DMXL1: variants seen among roughly 807,000 people sequenced by gnomAD.
DMXL1 encodes Dmx like 1, also known as dmX-like protein 1.
DMXL1 carries 99 observed loss-of-function variants against 319.2 expected under a neutral mutation model. The ratio of observed to expected loss-of-function variants is 0.31; its 90% CI spans 0.26 to 0.37. The LOEUF is 0.37. Ranked by LOEUF, DMXL1 falls within the 10% of genes least tolerant of loss-of-function variation. The pLI is 1.00. For synonymous variants in DMXL1, 1,385 were observed against 1,235.2 expected (o/e 1.12, Z -2.54); for missense variants, 3,745 against 3,595.6 (o/e 1.04, Z -1.06).
chr5:119,231,933 A>G (rs928701816), intron 38 of DMXL1, among the ~76,000 whole-genome samples: 4 of 152,234 alleles, frequency 2.6e-5, no homozygotes, highest in African/African-American at 7.2e-5. Flanking sequence ...AAGGCCCTGG[A>G]GCTGTCTTAG....
intron 34 of DMXL1, among the ~76,000 whole-genome samples, chr5:119,207,293 T>A (rs1781913043): frequency 6.6e-6 from 1 of 152,088 alleles, no homozygotes; most frequent in African/African-American, 2.4e-5. Flanking sequence ...TTAAAATTAA[T>A]GATATTAAAA....
At chr5:119,228,289 C>G (rs1785972414) in intron 38 of DMXL1, among the ~76,000 whole-genome samples, 1 of 152,170 alleles carries the variant, frequency 6.6e-6, no homozygotes, top group Non-Finnish European at 1.5e-5. Context: ...TAGTTACTTG[C>G]AGACACTTTC....
intron 1 of DMXL1, among the ~76,000 whole-genome samples, chr5:119,079,715 A>G (rs143894986): frequency 3.2e-4 from 49 of 151,832 alleles, no homozygotes; most frequent in African/African-American, 1.2e-3. Flanking sequence ...GTCACTGGTA[A>G]CCACATTGAT....
At chr5:119,141,139 G>A (rs569802580) in intron 13 of DMXL1, among the ~76,000 whole-genome samples, 46 of 152,240 alleles carry the variant, frequency 3.0e-4, no homozygotes, top group African/African-American at 1.1e-3. Context: ...CAGACTCTCA[G>A]CCAACATCAT....
chr5:119,178,265 TA>T, intron 28 of DMXL1, 21 bp downstream of exon 28: 1 of 1,607,212 alleles, frequency 6.2e-7, no homozygotes, highest in South Asian at 1.1e-5. Context: ...AAAATTTTTT[TA>T]GGACTGAAGC....
intron 35 of DMXL1, among the ~76,000 whole-genome samples, 191 bp from the exon 36 acceptor site, chr5:119,220,281 G>A (rs370492547): frequency 1.1e-4 from 16 of 152,098 alleles, no homozygotes; most frequent in Non-Finnish European, 1.6e-4. Flanking sequence ...TCTATTGGAT[G>A]TACTTTTCAT....
rs183624611 is a variant in DMXL1, at chr5:119,138,566, C to T, written c.2376+4177C>T. Among the ~76,000 whole-genome samples, 6 of 152,256 alleles carry T rather than the reference C, an allele frequency of 3.9e-5. 1 individual carries two copies. In the East Asian group the frequency reaches 5.8e-4, roughly 15 times the overall value. ...GAAAACAGAAGTGTTAAGCCAGGAA[C>T]GATGGCTCATGCCTGTAGTCCCAGC... On this transcript the variant is annotated intron_variant, in intron 13 of 43. Transcript: ENST00000539542.
chr5:119,109,406 A>G (rs1322185422), intron 4 of DMXL1, among the ~76,000 whole-genome samples: 2 of 152,012 alleles, frequency 1.3e-5, no homozygotes. Flanking sequence ...TACAGATCCA[A>G]TTTTGTAACA....
chr5:119,137,944 T>G (rs1199789684), intron 13 of DMXL1, among the ~76,000 whole-genome samples: 1 of 152,184 alleles, frequency 6.6e-6, no homozygotes, highest in Non-Finnish European at 1.5e-5. Flanking sequence ...CCTGGCCAGG[T>G]CATATGAAGC....
At chr5:119,101,687 T>A (rs979841025) in intron 2 of DMXL1, among the ~76,000 whole-genome samples, 4 of 152,210 alleles carry the variant, frequency 2.6e-5, no homozygotes, top group African/African-American at 9.6e-5. Flanking sequence ...AAGGTAGTGT[T>A]GTACATATTA....
At chr5:119,093,224 C>T (rs576333686) in intron 1 of DMXL1, among the ~76,000 whole-genome samples, 6 of 152,094 alleles carry the variant, frequency 3.9e-5, no homozygotes, top group Non-Finnish European at 8.8e-5. Context: ...TGCTCTGTCA[C>T]CCAGGCTGGA....
chr5:119,198,874 C>A (rs1780147026), intron 32 of DMXL1, among the ~76,000 whole-genome samples: 1 of 152,138 alleles, frequency 6.6e-6, no homozygotes, highest in Non-Finnish European at 1.5e-5. Context: ...AGTACTAAGC[C>A]TGGTACCCAG....
intron 25 of DMXL1, among the ~76,000 whole-genome samples, chr5:119,172,623 T>G (rs961344448): frequency 5.9e-5 from 9 of 152,258 alleles, no homozygotes; most frequent in Admixed American, 2.6e-4. Flanking sequence ...AGCATCCTAT[T>G]CATCATTACT....
intron 19 of DMXL1, among the ~76,000 whole-genome samples, chr5:119,155,758 T>G (rs970551057): frequency 7.0e-6 from 1 of 141,924 alleles, no homozygotes; most frequent in African/African-American, 2.6e-5. Flanking sequence ...GTCCAGGAGG[T>G]CAAGACTGCA....
intron 1 of DMXL1, among the ~76,000 whole-genome samples, chr5:119,089,857 C>T (rs1390889359): frequency 6.6e-6 from 1 of 151,630 alleles, no homozygotes; most frequent in Non-Finnish European, 1.5e-5. Flanking sequence ...AACTCCACAC[C>T]TCAGGTGATC....
At position 119,081,779 on chromosome 5, in the gene DMXL1, T is replaced by G. The variant is rs545648360; in HGVS notation, c.87+10123T>G. ...GGAGAATTTTGTTCTTACGTGTATT[T>G]GAAGGTAGTTTTTGGCCATAAGTTA... On this transcript the variant is annotated intron_variant, in intron 1 of 43. Transcript: ENST00000539542. 2.3e-5 allele frequency: 22 copies of G among 954,846 alleles called. No individual in the cohort carries two copies. In the South Asian group the frequency reaches 9.7e-4, roughly 42 times the overall value. 59.1% of individuals were successfully genotyped at this position (954,846 alleles called of 1,614,324 possible).
intron 1 of DMXL1, chr5:119,081,459 A>G (rs1752173137): frequency 1.8e-6 from 1 of 543,894 alleles, no homozygotes; most frequent in African/African-American, 2.1e-5. Flanking sequence ...TTAAAATAAA[A>G]CATATTTTAA....
At chr5:119,097,562 A>C (rs1369694801) in intron 1 of DMXL1, among the ~76,000 whole-genome samples, 2 of 152,112 alleles carry the variant, frequency 1.3e-5, no homozygotes, top group African/African-American at 2.4e-5. Flanking sequence ...CTAAAAATAC[A>C]AAAAACTAGC....
intron 35 of DMXL1, among the ~76,000 whole-genome samples, chr5:119,217,538 T>C (rs1783897064): frequency 6.6e-6 from 1 of 152,166 alleles, no homozygotes; most frequent in African/African-American, 2.4e-5. Context: ...ATTTTCCCCT[T>C]CTGTCTCCCC....
Sources: gnomAD v4.1 joint callset for allele counts (sites outside exome capture counted in the v4.1 genomes callset) on GRCh38, gnomAD v4.1.1 for gene constraint, MANE v1.5 for transcripts, NCBI Gene and HGNC (gene_info 2026-07-23, HGNC 2026-07-21) for gene names.